Variants in RBFOX1 observed in about 807,000 individuals in gnomAD.
The protein encoded by RBFOX1 is RNA binding fox-1 homolog 1.
Under a neutral mutation model 57.7 loss-of-function variants are expected in RBFOX1, and 8 were observed. The observed-to-expected ratio is 0.14, with a 90% CI of 0.08 to 0.25. RBFOX1 has a LOEUF of 0.25. Ranked by LOEUF, RBFOX1 falls within the 10% of genes least tolerant of loss-of-function variation. The probability of loss-of-function intolerance (pLI) is 1.00; values close to 1 mark genes in which losing one functional copy is unlikely to be tolerated. For missense variants in RBFOX1, 611 were observed against 548.5 expected, an observed-to-expected ratio of 1.11 and a Z score of -1.14; for synonymous variants, 326 against 222.4, an observed-to-expected ratio of 1.47 and a Z score of -4.15.
intron 3 of RBFOX1, among the ~76,000 whole-genome samples, chr16:5,736,987 G>C (rs1360784741): frequency 7.0e-6 from 1 of 143,512 alleles, no homozygotes; most frequent in African/African-American, 2.6e-5. Flanking sequence ...ATCTTTCTCT[G>C]ATTCTGTTTC....
At chr16:5,353,499 G>A (rs987718851) in intron 1 of RBFOX1, among the ~76,000 whole-genome samples, 2 of 152,142 alleles carry the variant, frequency 1.3e-5, no homozygotes, top group African/African-American at 4.8e-5. Context: ...ATATTTGGTG[G>A]CATATCCCAT....
intron 3 of RBFOX1, among the ~76,000 whole-genome samples, chr16:7,043,041 C>A (rs55988910): frequency 0.25 from 37,876 of 151,900 alleles, 5,367 homozygotes; most frequent in East Asian, 0.45. Context: ...CCATCCTCCA[C>A]CCCCCACAAT....
At chr16:7,505,688 G>T (rs544556676) in intron 4 of RBFOX1, among the ~76,000 whole-genome samples, 2 of 152,252 alleles carry the variant, frequency 1.3e-5, no homozygotes, top group South Asian at 4.1e-4. Flanking sequence ...CCGCCCACTC[G>T]GTTGGCTTGT....
intron 4 of RBFOX1, among the ~76,000 whole-genome samples, chr16:7,283,472 G>A (rs1766705112): frequency 6.6e-6 from 1 of 151,976 alleles, no homozygotes; most frequent in South Asian, 2.1e-4. Context: ...AAAGGAGTAT[G>A]AATTTGCTAA....
intron 2 of RBFOX1, among the ~76,000 whole-genome samples, chr16:6,352,531 G>A (rs75438632): frequency 0.011 from 1,612 of 152,028 alleles, 19 homozygotes; most frequent in African/African-American, 0.037. Context: ...GTAGCCCAGG[G>A]AACAAAGGAG....
intron 1 of RBFOX1, chr16:5,270,540 C>G: frequency 3.3e-6 from 2 of 610,940 alleles, no homozygotes; most frequent in South Asian, 3.2e-5. Context: ...ATGATTGAAA[C>G]TCATGTTGAT....
rs150050038 is a variant in RBFOX1, at chr16:6,864,863, T to A, written c.-15-187194T>A. Among the ~76,000 whole-genome samples the A allele has an allele frequency of 8.2e-3, 1,249 of 152,216 alleles. 10 individuals are homozygous for A. Among genetic ancestry groups the A allele is most frequent in the Admixed American group, 0.014 (216 of 15,290 alleles). On this transcript the variant is annotated intron_variant, in intron 3 of 15. Coordinates refer to ENST00000550418, the MANE Select transcript of RBFOX1 (RefSeq NM_018723.4). The stretch of plus-strand genomic sequence containing the variant: ...TTCCCTTTTTTTATCTGAGGTCATG[T>A]GAATGGATACTCATCAAAACAAGAG...
intron 3 of RBFOX1, among the ~76,000 whole-genome samples, chr16:6,851,927 T>G (rs988319624): frequency 3.1e-4 from 8 of 26,024 alleles, no homozygotes; most frequent in African/African-American, 7.0e-4. Context: ...TTCCATTGGG[T>G]TTTTTTTTTT....
At chr16:5,318,557 G>A (rs1286663325) in intron 1 of RBFOX1, among the ~76,000 whole-genome samples, 34 of 151,372 alleles carry the variant, frequency 2.2e-4, no homozygotes, top group Admixed American at 2.2e-3. Flanking sequence ...TTAGAAATAA[G>A]AGCAACCTAT....
intron 4 of RBFOX1, among the ~76,000 whole-genome samples, chr16:7,453,225 G>C (rs978522967): frequency 6.6e-6 from 1 of 151,996 alleles, no homozygotes; most frequent in East Asian, 1.9e-4. Flanking sequence ...ACTTGTGATC[G>C]AAGGGGTAGG....
At chr16:6,099,918 T>C (rs960403210) in intron 1 of RBFOX1, among the ~76,000 whole-genome samples, 1 of 152,118 alleles carries the variant, frequency 6.6e-6, no homozygotes, top group Non-Finnish European at 1.5e-5. Context: ...TAGCAAACAA[T>C]AAAATGGGTA....
At chr16:5,297,064 G>A (rs1467520794) in intron 1 of RBFOX1, among the ~76,000 whole-genome samples, 1 of 152,102 alleles carries the variant, frequency 6.6e-6, no homozygotes, top group Non-Finnish European at 1.5e-5. Context: ...ATGTTCTCCA[G>A]GTTCATCCAT....
chr16:6,697,658 G>A (rs2061253275), intron 3 of RBFOX1, among the ~76,000 whole-genome samples: 1 of 152,054 alleles, frequency 6.6e-6, no homozygotes, highest in African/African-American at 2.4e-5. Context: ...GCTCACCTCT[G>A]GATTAAAAGG....
chr16:6,882,568 C>T lies in RBFOX1; in HGVS notation c.-15-169489C>T, dbSNP rs146950047. On this transcript the variant is annotated intron_variant, in intron 3 of 15. Transcript: ENST00000550418. ...CTGAGATCGCACCACTGCACTGCAG[C>T]CTCGGTGGCAGAGTTAAACTCTGAA... Among the ~76,000 whole-genome samples, 243 of 152,104 alleles carry T rather than the reference C, an allele frequency of 1.6e-3. No individual in the cohort carries two copies. In the Middle Eastern group the frequency reaches 0.02, roughly 13 times the overall value.
intron 4 of RBFOX1, among the ~76,000 whole-genome samples, chr16:7,165,933 T>TACACACACACACACACACACAC (rs889669390): frequency 2.1e-5 from 3 of 143,156 alleles, no homozygotes; most frequent in African/African-American, 5.2e-5. Flanking sequence ...CGCATGCACA[T>TACACACACACACACACACACAC]ACACACACAC....
chr16:5,485,580 T>C (rs778858428), intron 2 of RBFOX1, among the ~76,000 whole-genome samples: 1 of 152,162 alleles, frequency 6.6e-6, no homozygotes, highest in East Asian at 1.9e-4. Context: ...TAATATTTAT[T>C]CCGCATTATA....
chr16:7,591,601 A>G (rs1443664257), intron 7 of RBFOX1, among the ~76,000 whole-genome samples: 3 of 152,168 alleles, frequency 2.0e-5, no homozygotes, highest in Non-Finnish European at 4.4e-5. Flanking sequence ...ATACCTGCTC[A>G]TGACAGGGCA....
intron 1 of RBFOX1, among the ~76,000 whole-genome samples, chr16:5,246,726 AGGG>A (rs1209782579): frequency 2.7e-5 from 4 of 149,666 alleles, no homozygotes; most frequent in African/African-American, 9.9e-5. Flanking sequence ...GCTGTAGTGC[AGGG>A]GTGTGATCTT....
chr16:7,241,969 G>T (rs183574010), intron 4 of RBFOX1, among the ~76,000 whole-genome samples: 2 of 152,174 alleles, frequency 1.3e-5, no homozygotes, highest in African/African-American at 2.4e-5. Flanking sequence ...ATATTTAAGG[G>T]TTTTCAACTT....
Sources: gnomAD v4.1 joint callset for allele counts (sites outside exome capture counted in the v4.1 genomes callset) on GRCh38, gnomAD v4.1.1 for gene constraint, MANE v1.5 for transcripts, NCBI Gene and HGNC (gene_info 2026-07-23, HGNC 2026-07-21) for gene names.